The following LDLRAD3 variants were observed in gnomAD, a reference collection of about 807,000 sequenced individuals.
The protein encoded by LDLRAD3 is low density lipoprotein receptor class A domain containing 3.
LDLRAD3 carries 20 observed loss-of-function variants against 29.4 expected under a neutral mutation model. That is an observed-to-expected ratio of 0.68 (90% CI 0.48 to 0.99). LDLRAD3 has a LOEUF of 0.99. Among genes scored for constraint, LDLRAD3 ranks in the 50% least tolerant of loss-of-function variants. LDLRAD3 has a pLI of 0.00. For synonymous variants in LDLRAD3, 157 were observed against 192.7 expected (o/e 0.81, Z 1.53); for missense variants, 420 against 454.3 (o/e 0.92, Z 0.69).
At chr11:35,978,772 C>T (rs1211433341) in intron 1 of LDLRAD3, among the ~76,000 whole-genome samples, 1 of 152,150 alleles carries the variant, frequency 6.6e-6, no homozygotes, top group Non-Finnish European at 1.5e-5. Flanking sequence ...ATTTTAAACA[C>T]CTGCATTCAG....
At chr11:36,220,123 A>G (rs1183749767) in intron 4 of LDLRAD3, among the ~76,000 whole-genome samples, 1 of 152,226 alleles carries the variant, frequency 6.6e-6, no homozygotes, top group African/African-American at 2.4e-5. Context: ...AAGAGGTTTT[A>G]AGTGGTATCA....
intron 1 of LDLRAD3, among the ~76,000 whole-genome samples, chr11:36,033,317 C>T (rs1852262715): frequency 6.6e-6 from 1 of 152,216 alleles, no homozygotes; most frequent in Non-Finnish European, 1.5e-5. Context: ...CCTGGTCCTG[C>T]TGAGAAAGCA....
rs1855398970 is a variant in LDLRAD3 at position 36,219,450 on chromosome 11, T to C, written c.455-7635T>C. Among the ~76,000 whole-genome samples the C allele has an allele frequency of 2.6e-5, 4 of 152,216 alleles. No homozygotes were observed. The South Asian group carries it at 8.3e-4, about 31-fold the overall frequency. On this transcript the variant is annotated intron_variant, in intron 4 of 5. Transcript: ENST00000315571. The stretch of plus-strand genomic sequence containing the variant: ...AACAACACCCTTATTGGCATAAAGA[T>C]AGTTGTATAGCTCAATCATACAAAA...
At chr11:36,091,034 G>A (rs1312150691) in intron 3 of LDLRAD3, among the ~76,000 whole-genome samples, 1 of 152,172 alleles carries the variant, frequency 6.6e-6, no homozygotes, top group African/African-American at 2.4e-5. Flanking sequence ...TCCTTCAGTG[G>A]GCTCTGGTTT....
chr11:36,106,882 G>A (rs1339557028), intron 4 of LDLRAD3, among the ~76,000 whole-genome samples: 1 of 152,108 alleles, frequency 6.6e-6, no homozygotes, highest in African/African-American at 2.4e-5. Flanking sequence ...GCTTGCTTTG[G>A]CCCGTGGTGT....
At chr11:36,136,480 C>G (rs1854005558) in intron 4 of LDLRAD3, among the ~76,000 whole-genome samples, 1 of 152,130 alleles carries the variant, frequency 6.6e-6, no homozygotes, top group South Asian at 2.1e-4. Flanking sequence ...GGTGCTGTCT[C>G]TATGATAGTG....
rs1370468512 is a variant in LDLRAD3 at position 36,171,356 on chromosome 11, T to C, written c.455-55729T>C. Among the ~76,000 whole-genome samples, 3 of 152,234 alleles carry C rather than the reference T, an allele frequency of 2.0e-5. No individual in the cohort carries two copies. In the East Asian group the frequency reaches 5.8e-4, roughly 29 times the overall value. ...GCATTTGCTTTTGGGTTCTTGGTCATGAAGTCTTTGCCTAAGCCCATGTCT... is the reference window on the plus strand; with the variant it reads ...GCATTTGCTTTTGGGTTCTTGGTCACGAAGTCTTTGCCTAAGCCCATGTCT... On this transcript the variant is annotated intron_variant, in intron 4 of 5. Transcript: ENST00000315571.
At chr11:35,969,012 C>T (rs900372747) in intron 1 of LDLRAD3, among the ~76,000 whole-genome samples, 3 of 152,146 alleles carry the variant, frequency 2.0e-5, no homozygotes, top group African/African-American at 4.8e-5. Context: ...ACCAAGTCCC[C>T]GGCTCAGAGT....
At chr11:35,945,687 T>G (rs544731763) in intron 1 of LDLRAD3, among the ~76,000 whole-genome samples, 1 of 152,292 alleles carries the variant, frequency 6.6e-6, no homozygotes, top group East Asian at 1.9e-4. Flanking sequence ...TCATAGCACC[T>G]GAGAAGGACA....
At chr11:36,211,669 C>T (rs1180353877) in intron 4 of LDLRAD3, among the ~76,000 whole-genome samples, 1 of 152,100 alleles carries the variant, frequency 6.6e-6, no homozygotes, top group African/African-American at 2.4e-5. Flanking sequence ...GCCTGGGGTC[C>T]CTGGCCCAGG....
chr11:36,183,300 A>G (rs1254714967), intron 4 of LDLRAD3, among the ~76,000 whole-genome samples: 1 of 149,762 alleles, frequency 6.7e-6, no homozygotes, highest in East Asian at 2.0e-4. Context: ...AACCTACTCA[A>G]AGCAGAACTA....
chr11:36,057,962 G>A (rs1183894638), intron 2 of LDLRAD3, among the ~76,000 whole-genome samples: 1 of 152,176 alleles, frequency 6.6e-6, no homozygotes, highest in Non-Finnish European at 1.5e-5. Flanking sequence ...CTCATCTGGA[G>A]GAGGGATGAA....
chr11:35,990,903 A>G (rs556171609), intron 1 of LDLRAD3, among the ~76,000 whole-genome samples: 63 of 152,354 alleles, frequency 4.1e-4, no homozygotes, highest in Non-Finnish European at 8.8e-5. Context: ...GGCTTTGAAC[A>G]TATCTTTTTG....
At chr11:36,108,928 G>A (rs1030551528) in intron 4 of LDLRAD3, among the ~76,000 whole-genome samples, 2 of 152,044 alleles carry the variant, frequency 1.3e-5, no homozygotes, top group Non-Finnish European at 2.9e-5. Context: ...GTTAGTGGGT[G>A]GAAAATTACT....
At chr11:36,007,643 G>A (rs935429005) in intron 1 of LDLRAD3, among the ~76,000 whole-genome samples, 4 of 152,160 alleles carry the variant, frequency 2.6e-5, no homozygotes, top group African/African-American at 9.7e-5. Flanking sequence ...ACACAAAACT[G>A]TTAGAACAGA....
chr11:36,198,072 A>G (rs1436548495), intron 4 of LDLRAD3, among the ~76,000 whole-genome samples: 1 of 152,064 alleles, frequency 6.6e-6, no homozygotes, highest in African/African-American at 2.4e-5. Flanking sequence ...AAACAAACAG[A>G]AGATTGTAGT....
intron 2 of LDLRAD3, among the ~76,000 whole-genome samples, chr11:36,040,186 G>C (rs1852362465): frequency 6.6e-6 from 1 of 151,544 alleles, no homozygotes; most frequent in Admixed American, 6.6e-5. Flanking sequence ...AAGAATTCTT[G>C]CCCTTTTCGA....
intron 4 of LDLRAD3, among the ~76,000 whole-genome samples, chr11:36,202,025 G>A (rs1266628379): frequency 6.7e-6 from 1 of 149,522 alleles, no homozygotes; most frequent in Non-Finnish European, 1.5e-5. Flanking sequence ...ACCCCTCCTT[G>A]GGTACTTCCT....
chr11:36,205,022 G>C lies in LDLRAD3; in HGVS notation c.455-22063G>C, dbSNP rs572421445. ...CCCCATCTTCCCCTCAGGTTCCCAG[G>C]TTCTTCCTCCTCTTCATTTATAAGT... On this transcript the variant is annotated intron_variant, in intron 4 of 5. Coordinates refer to ENST00000315571, the MANE Select transcript of LDLRAD3 (RefSeq NM_174902.4). Among the ~76,000 whole-genome samples the C allele has an allele frequency of 5.3e-5, 8 of 152,216 alleles. No homozygotes were observed. In the East Asian group the frequency reaches 1.5e-3, roughly 29 times the overall value.
Sources: gnomAD v4.1 joint callset for allele counts (sites outside exome capture counted in the v4.1 genomes callset) on GRCh38, gnomAD v4.1.1 for gene constraint, MANE v1.5 for transcripts, NCBI Gene and HGNC (gene_info 2026-07-23, HGNC 2026-07-21) for gene names.